Variants in GRIP1 observed in about 807,000 individuals in gnomAD.
GRIP1 encodes glutamate receptor-interacting protein 1.
In GRIP1, 45 loss-of-function variants were observed where a neutral mutation model predicts 129.9. That is an observed-to-expected ratio of 0.35 (90% confidence interval 0.27 to 0.44). The LOEUF (loss-of-function observed/expected upper bound fraction) is 0.44. Among genes scored for constraint, GRIP1 ranks in the 20% least tolerant of loss-of-function variants. The pLI, the probability that GRIP1 is intolerant of heterozygous loss-of-function variation, is 1.00. For synonymous variants in GRIP1, 530 were observed against 520.8 expected (o/e 1.02, Z -0.24); for missense variants, 1,196 against 1,396.8 (o/e 0.86, Z 2.29).
At chr12:66,480,588 G>GAGCCCATAT (rs1435447854) in intron 7 of GRIP1, among the ~76,000 whole-genome samples, 1 of 152,038 alleles carries the variant, frequency 6.6e-6, no homozygotes, top group Non-Finnish European at 1.5e-5. Flanking sequence ...AAACAAAAAA[G>GAGCCCATAT]AGCCCATATA....
intron 1 of GRIP1, among the ~76,000 whole-genome samples, chr12:66,863,591 T>A (rs2040150129): frequency 6.6e-6 from 1 of 151,918 alleles, no homozygotes; most frequent in Non-Finnish European, 1.5e-5. Flanking sequence ...TCGGTGTAAA[T>A]GTTCTGAGAA....
At chr12:66,439,596 C>T (rs1278166500) in intron 13 of GRIP1, among the ~76,000 whole-genome samples, 2 of 152,214 alleles carry the variant, frequency 1.3e-5, no homozygotes, top group Non-Finnish European at 2.9e-5. Context: ...CTACCATCAA[C>T]TATGTGTGCC....
intron 1 of GRIP1, among the ~76,000 whole-genome samples, chr12:66,773,787 G>C (rs2037893683): frequency 6.6e-6 from 1 of 152,116 alleles, no homozygotes; most frequent in African/African-American, 2.4e-5. Context: ...GTAATGTTAA[G>C]AAAATATAAA....
At chr12:66,700,254 T>C (rs1230685981) in intron 1 of GRIP1, among the ~76,000 whole-genome samples, 1 of 152,092 alleles carries the variant, frequency 6.6e-6, no homozygotes, top group Non-Finnish European at 1.5e-5. Context: ...TGGTGTGATG[T>C]ATGCTGGAGC....
chr12:66,662,066 TATTA>T (rs2033542625), intron 1 of GRIP1, among the ~76,000 whole-genome samples: 2 of 152,266 alleles, frequency 1.3e-5, no homozygotes, highest in East Asian at 1.9e-4. Flanking sequence ...TGTAGAATGA[TATTA>T]ATTGTGTACC....
In GRIP1 at chr12:66,729,034, T is replaced by G. The variant is rs556188286; in HGVS notation, c.-420+75019A>C. On this transcript the variant is annotated intron_variant, in intron 1 of 4. Transcript: ENST00000538373. ...GGTTAACTAGGTTAAGGATACATTC[T>G]TCAGACAAAATACGTTAATTTTTTT... 2.8e-4 allele frequency among the ~76,000 whole-genome samples: 42 copies of G among 148,894 alleles called. No homozygotes were observed. In the South Asian group the frequency reaches 8.7e-3, roughly 31 times the overall value.
chr12:66,846,595 C>T (rs1011167399), intron 1 of GRIP1, among the ~76,000 whole-genome samples: 7 of 152,180 alleles, frequency 4.6e-5, no homozygotes, highest in Non-Finnish European at 8.8e-5. Flanking sequence ...ATTTTGGAGG[C>T]TATGAATATG....
intron 7 of GRIP1, among the ~76,000 whole-genome samples, chr12:66,498,365 A>G (rs1257638349): frequency 1.3e-5 from 2 of 152,232 alleles, no homozygotes; most frequent in African/African-American, 4.8e-5. Flanking sequence ...GAGAAGTACT[A>G]AACAGTTAAT....
At chr12:67,019,833 T>C (rs1361290041) in intron 1 of GRIP1, among the ~76,000 whole-genome samples, 3 of 151,934 alleles carry the variant, frequency 2.0e-5, no homozygotes, top group Non-Finnish European at 4.4e-5. Flanking sequence ...CACAGGCACA[T>C]ACACACACGA....
intron 1 of GRIP1, among the ~76,000 whole-genome samples, chr12:66,917,542 T>C (rs890960120): frequency 6.6e-6 from 1 of 152,230 alleles, no homozygotes; most frequent in Non-Finnish European, 1.5e-5. Context: ...ATAATTTGTG[T>C]ATGACATTAA....
intron 1 of GRIP1, among the ~76,000 whole-genome samples, chr12:66,820,250 G>A (rs1333502470): frequency 6.6e-6 from 1 of 152,170 alleles, no homozygotes. Context: ...CATGTGAAAA[G>A]ATGCTCCAAG....
At chr12:66,758,298 C>T (rs1444558382) in intron 1 of GRIP1, among the ~76,000 whole-genome samples, 1 of 152,126 alleles carries the variant, frequency 6.6e-6, no homozygotes, top group Non-Finnish European at 1.5e-5. Flanking sequence ...GCAGAAGCTC[C>T]TGATAAACCC....
intron 22 of GRIP1, among the ~76,000 whole-genome samples, chr12:66,373,238 C>T (rs373373263): frequency 9.9e-5 from 15 of 152,196 alleles, no homozygotes; most frequent in South Asian, 2.1e-4. Flanking sequence ...TACAGGCATG[C>T]GCCACCATGC....
rs758593628 is a variant in GRIP1 at position 66,369,340 on chromosome 12, C to CTTT, written c.3012+2351_3012+2353dup. On this transcript the variant is annotated intron_variant, in intron 23 of 24. Transcript: ENST00000359742. The stretch of plus-strand genomic sequence containing the variant: ...ACTTTTTTTTTCTTTTTAACAAGAT[C>CTTT]TTTTTTTTTTTTTTTTTTTTTTTTT... 3.9e-3 allele frequency among the ~76,000 whole-genome samples: 416 copies of CTTT among 106,676 alleles called. 7 individuals carry two copies. The highest frequency in any genetic ancestry group is 0.012 in the African/African-American group (311 of 25,778). 70.0% of individuals were successfully genotyped at this position (106,676 alleles called of 152,430 possible). A position where few individuals can be genotyped will look rare whatever the true frequency, so the allele number is the denominator to read the frequency against.
At chr12:66,820,266 T>C (rs2136981669) in intron 1 of GRIP1, among the ~76,000 whole-genome samples, 1 of 152,322 alleles carries the variant, frequency 6.6e-6, no homozygotes, top group East Asian at 1.9e-4. Context: ...CCAAGTCATA[T>C]GCGATTAGAG....
chr12:66,880,196 T>C (rs964336423), intron 1 of GRIP1, among the ~76,000 whole-genome samples: 51 of 150,148 alleles, frequency 3.4e-4, no homozygotes, highest in African/African-American at 1.2e-3. Context: ...AAAGGACCGA[T>C]GTGTTTAAGA....
chr12:66,564,222 AC>A (rs1325838366), intron 2 of GRIP1: 4 of 151,190 alleles, frequency 2.6e-5, no homozygotes, highest in Admixed American at 2.6e-4. Flanking sequence ...GGTGTGCTGC[AC>A]CCATTAACTC....
At chr12:66,776,611 A>T (rs1375590456) in intron 1 of GRIP1, among the ~76,000 whole-genome samples, 1 of 152,242 alleles carries the variant, frequency 6.6e-6, no homozygotes, top group Non-Finnish European at 1.5e-5. Flanking sequence ...GACATGCACA[A>T]GTAAATACAG....
At chr12:66,659,205 G>A (rs1041288049) in intron 1 of GRIP1, among the ~76,000 whole-genome samples, 7 of 152,280 alleles carry the variant, frequency 4.6e-5, no homozygotes, top group South Asian at 2.1e-4. Flanking sequence ...TTCAAATAGC[G>A]CTTTCCCCCT....
Sources: allele counts gnomAD v4.1 joint callset (sites outside exome capture counted in the v4.1 genomes callset), GRCh38; gene constraint gnomAD v4.1.1; transcripts MANE v1.5; gene names NCBI Gene and HGNC (gene_info 2026-07-23, HGNC 2026-07-21).